Variants in TJP3 observed in about 807,000 individuals in gnomAD.
TJP3 encodes tight junction protein ZO-3.
A neutral mutation model predicts 104.2 loss-of-function variants in TJP3; 85 were observed. The ratio of observed to expected loss-of-function variants is 0.82; its 90% CI spans 0.68 to 0.98. The LOEUF (loss-of-function observed/expected upper bound fraction) is 0.98. Ranked by LOEUF, TJP3 falls within the 50% of genes least tolerant of loss-of-function variation. TJP3 has a pLI of 0.00. For synonymous variants in TJP3, 550 were observed against 550.6 expected (o/e 1.00, Z 0.02); for missense variants, 1,367 against 1,322.8 (o/e 1.03, Z -0.52).
intron 1 of TJP3, among the ~76,000 whole-genome samples, chr19:3,711,522 G>A (rs975841853): frequency 8.7e-5 from 13 of 149,880 alleles, no homozygotes; most frequent in African/African-American, 3.2e-4. Context: ...AGCTTTAAAT[G>A]CTGGCCTGAA....
intron 1 of TJP3, among the ~76,000 whole-genome samples, chr19:3,720,033 T>C (rs1212725730): frequency 6.6e-6 from 1 of 152,210 alleles, no homozygotes; most frequent in Non-Finnish European, 1.5e-5. Flanking sequence ...GAGTGAGCCA[T>C]TGTGCCTGGC....
At chr19:3,725,490 C>G (rs919161216) in intron 1 of TJP3, among the ~76,000 whole-genome samples, 1 of 152,082 alleles carries the variant, frequency 6.6e-6, no homozygotes, top group South Asian at 2.1e-4. Context: ...CAGCCAGGTT[C>G]AAGACAGCCT....
chr19:3,733,458 T>C (rs1023668061), intron 6 of TJP3, among the ~76,000 whole-genome samples: 4 of 152,236 alleles, frequency 2.6e-5, no homozygotes, highest in Middle Eastern at 3.2e-3. Context: ...CTGTTCCTAG[T>C]ATCCCCTGAG....
Position 3,747,671 on chromosome 19 carries a change from G to GAGGCTCC in TJP3, c.2323-108_2323-102dup, listed in dbSNP as rs113710540. The GAGGCTCC allele has an allele frequency of 2.1e-5, 26 of 1,245,616 alleles. No individual in the cohort carries two copies. The African/African-American group carries it at 2.7e-4, about 13-fold the overall frequency. 77.2% of individuals were successfully genotyped at this position (1,245,616 alleles called of 1,614,324 possible). ...TGGAGTCAACAGAGAAGCCTCCACT[G>GAGGCTCC]AGGCTCCAGGCTCCAGGCTCCTCGC... is the stretch of plus-strand genomic sequence containing the variant. On this transcript the variant is annotated intron_variant, in intron 18 of 20. Transcript: ENST00000541714.
At chr19:3,726,641 G>T (rs2036599122) in intron 1 of TJP3, among the ~76,000 whole-genome samples, 1 of 151,304 alleles carries the variant, frequency 6.6e-6, no homozygotes, top group African/African-American at 2.4e-5. Flanking sequence ...GATCATTTGA[G>T]CCCAGGAGTT....
chr19:3,734,182 C>T lies in TJP3; in HGVS notation c.878-145C>T, dbSNP rs969773764. 10 of 971,980 alleles carry T rather than the reference C, an allele frequency of 1.0e-5. No homozygotes were observed. The Admixed American group carries it at 1.7e-4, about 17-fold the overall frequency. The allele number at this position is 971,980 out of a possible 1,614,324, so 60.2% of individuals were successfully genotyped here. A position where few individuals can be genotyped will look rare whatever the true frequency, so the allele number is the denominator to read the frequency against. On this transcript the variant is annotated intron_variant, in intron 7 of 20. Coordinates refer to ENST00000541714, the MANE Select transcript of TJP3 (RefSeq NM_001267560.2). ...GATTATAGGCGTGAGCCACCGTGCCCAGCTCCAGAGCCGAATCTTCTAACT... is the reference window on the plus strand; with the variant it reads ...GATTATAGGCGTGAGCCACCGTGCCTAGCTCCAGAGCCGAATCTTCTAACT...
Position 3,728,685 on chromosome 19 carries a change from C to A in TJP3, c.130C>A (p.Pro44Thr), listed in dbSNP as rs2068630433. The part of the protein sequence containing the change: ...GGSMVVSDVV[P>T]GGPAEGRLQT... ...ATCCATGGTTGTATCTGACGTGGTACCTGGAGGGCCGGCGGAGGGCAGGCT... is the reference window on the plus strand; with the variant it reads ...ATCCATGGTTGTATCTGACGTGGTAACTGGAGGGCCGGCGGAGGGCAGGCT... The change falls in exon 3 of 21, where the codon CCT becomes ACT. Residue 44 changes from proline to threonine, a missense_variant. Pro to Thr is a conservative substitution (Grantham distance 38). Transcript: ENST00000541714. 3.1e-6 allele frequency: 5 copies of A among 1,613,620 alleles called. No individual in the cohort carries two copies. Among genetic ancestry groups the A allele is most frequent in the African/African-American group, 1.3e-5 (1 of 74,940 alleles).
At position 3,728,420 on chromosome 19, in the gene TJP3, C is replaced by G. The variant is rs746610320; in HGVS notation, c.-9-4C>G. 6.2e-7 allele frequency: 1 copy of G among 1,614,190 alleles called. No individual in the cohort carries two copies. Among genetic ancestry groups the G allele is most frequent in the Non-Finnish European group, 8.5e-7 (1 of 1,180,032 alleles). ...TGCCCATCTTCCCCGCTCCCCTCGACCAGGTGGCTGACATGGAGGAGCTGA... is the reference window on the plus strand; with the variant it reads ...TGCCCATCTTCCCCGCTCCCCTCGAGCAGGTGGCTGACATGGAGGAGCTGA... On this transcript the variant is annotated splice_region_variant and splice_polypyrimidine_tract_variant and intron_variant, in intron 1 of 20. Transcript: ENST00000541714.
intron 14 of TJP3, among the ~76,000 whole-genome samples, chr19:3,743,014 C>T (rs981719655): frequency 1.3e-5 from 2 of 151,572 alleles, no homozygotes; most frequent in Non-Finnish European, 2.9e-5. Context: ...GCCTGTAATC[C>T]CAGCACTTTG....
chr19:3,716,535 C>T (rs757104234), intron 1 of TJP3, among the ~76,000 whole-genome samples: 1 of 147,800 alleles, frequency 6.8e-6, no homozygotes, highest in Non-Finnish European at 1.5e-5. Context: ...AGTGGGCGCA[C>T]GAGTGTTGTG....
chr19:3,724,023 G>C (rs1168119086), intron 1 of TJP3, among the ~76,000 whole-genome samples: 1 of 151,026 alleles, frequency 6.6e-6, no homozygotes. Context: ...ACTAAGATGA[G>C]GTGGGCTGTG....
intron 14 of TJP3, 110 bp from the exon 15 acceptor site, chr19:3,743,829 T>C (rs1460167878): frequency 8.1e-6 from 8 of 990,782 alleles, no homozygotes; most frequent in Non-Finnish European, 1.2e-5. Flanking sequence ...GCTATGGTCC[T>C]GGTTAAATAG....
intron 1 of TJP3, among the ~76,000 whole-genome samples, chr19:3,712,143 C>CT (rs1322416627): frequency 1.3e-5 from 2 of 152,242 alleles, no homozygotes; most frequent in African/African-American, 4.8e-5. Context: ...TGGTGAAACT[C>CT]TGTCTCTACT....
chr19:3,746,409 T>C lies in TJP3; in HGVS notation c.2011-76T>C. The C allele has an allele frequency of 6.6e-7, 1 of 1,526,610 alleles. No homozygotes were observed. The highest frequency in any genetic ancestry group is 1.4e-5 in the African/African-American group (1 of 73,290). 94.6% of individuals were successfully genotyped at this position (1,526,610 alleles called of 1,614,324 possible). A position where few individuals can be genotyped will look rare whatever the true frequency, so the allele number is the denominator to read the frequency against. On this transcript the variant is annotated intron_variant, in intron 16 of 20. Coordinates refer to ENST00000541714, the MANE Select transcript of TJP3 (RefSeq NM_001267560.2). The surrounding 1 kb of genome is among the most constrained non-coding windows in gnomAD (Gnocchi z 4.1). ...TGGGGTCCACTCTGACCTCAGACTC[T>C]TCATCTTTCTATCTTTCTCTCTCTG... is the stretch of plus-strand genomic sequence containing the variant.
chr19:3,729,010 G>A (rs938387125), intron 3 of TJP3, among the ~76,000 whole-genome samples: 22 of 152,110 alleles, frequency 1.4e-4, no homozygotes, highest in African/African-American at 5.3e-4. Context: ...CCAAGATTGC[G>A]CCACTGCACT....
chr19:3,743,454 G>A lies in TJP3; in HGVS notation c.1844-485G>A, dbSNP rs1045197375. On this transcript the variant is annotated intron_variant, in intron 14 of 20. Transcript: ENST00000541714. ...AAAGGATCACATAGTAACTATTTTAGGCTTTGTGGGCTAGTCTCTGGCAGA... is the reference window on the plus strand; with the variant it reads ...AAAGGATCACATAGTAACTATTTTAAGCTTTGTGGGCTAGTCTCTGGCAGA... Among the ~76,000 whole-genome samples, 14 of 152,158 alleles carry A rather than the reference G, an allele frequency of 9.2e-5. No homozygotes were observed. In the South Asian group the frequency reaches 2.9e-3, roughly 32 times the overall value.
chr19:3,736,369 G>T (rs764426940), intron 11 of TJP3, 48 bp downstream of exon 11: 8 of 1,469,954 alleles, frequency 5.4e-6, no homozygotes, highest in Non-Finnish European at 7.2e-6. Context: ...GGCGTGCAGT[G>T]TGCTAGGTCC....
At chr19:3,724,101 G>A (rs898964887) in intron 1 of TJP3, among the ~76,000 whole-genome samples, 1 of 152,132 alleles carries the variant, frequency 6.6e-6, no homozygotes, top group African/African-American at 2.4e-5. Context: ...TGGTTTCCAT[G>A]GAGACGAACC....
At chr19:3,739,661 T>G (rs974936443) in intron 13 of TJP3, among the ~76,000 whole-genome samples, 1 of 152,160 alleles carries the variant, frequency 6.6e-6, no homozygotes, top group Non-Finnish European at 1.5e-5. Flanking sequence ...ACACATCCTC[T>G]TACAGTTCTG....
Sources: gnomAD v4.1 joint callset for allele counts (sites outside exome capture counted in the v4.1 genomes callset) on GRCh38, gnomAD v4.1.1 for gene constraint, Gnocchi (gnomAD v3.1) non-coding constraint, MANE v1.5 for transcripts, NCBI Gene and HGNC (gene_info 2026-07-23, HGNC 2026-07-21) for gene names.